Variants in RWDD1 observed in about 807,000 individuals in gnomAD.
RWDD1 encodes the protein RWD domain containing 1, also known as RWD domain-containing protein 1.
Under a neutral mutation model 31.6 loss-of-function variants are expected in RWDD1, and 17 were observed. The ratio of observed to expected loss-of-function variants is 0.54; its 90% CI spans 0.37 to 0.81. RWDD1 has a LOEUF of 0.81. Ranked by LOEUF, RWDD1 falls within the 30% of genes least tolerant of loss-of-function variation. The pLI is 0.00. For synonymous variants in RWDD1, 78 were observed against 94.2 expected (o/e 0.83, Z 0.99); for missense variants, 204 against 274.5 (o/e 0.74, Z 1.82).
chr6:116,584,653 T>C, intron 2 of RWDD1, 74 bp from the exon 3 acceptor site: 1 of 1,332,290 alleles, frequency 7.5e-7, no homozygotes, highest in Admixed American at 1.9e-5. Flanking sequence ...TGTGCTACTT[T>C]CTACTGATTC....
chr6:116,573,458 C>G (rs961310800), intron 1 of RWDD1, among the ~76,000 whole-genome samples: 2 of 152,194 alleles, frequency 1.3e-5, no homozygotes, highest in African/African-American at 4.8e-5. Context: ...AACATTTCTA[C>G]AAGCTTTGCA....
intron 5 of RWDD1, 73 bp from the exon 6 acceptor site, chr6:116,590,815 T>C: frequency 6.7e-7 from 1 of 1,499,698 alleles, no homozygotes; most frequent in Admixed American, 2.8e-5. Flanking sequence ...TCAAATTTGC[T>C]TTCTAAGTAT....
chr6:116,593,100 A>G lies in RWDD1; in HGVS notation c.731A>G (p.Ter244=), dbSNP rs751403930. The G allele has an allele frequency of 5.0e-6, 8 of 1,613,546 alleles. No homozygotes were observed. The highest frequency in any genetic ancestry group is 5.1e-6 in the Non-Finnish European group (6 of 1,179,808). Residue 244 remains the stop codon, a stop_retained_variant, in exon 7 of 7, where the codon TAA becomes TGA. Coordinates refer to ENST00000466444, the MANE Select transcript of RWDD1 (RefSeq NM_015952.4). ...PADPESDSAD[*] is the part of the protein sequence containing the mutation. ...GACCCAGAGAGTGACTCAGCTGACT[A>G]ATGGACTGTCCCCATCTGCAGAGAG... is the stretch of plus-strand genomic sequence containing the variant.
At chr6:116,584,063 G>A (rs1774994831) in intron 2 of RWDD1, among the ~76,000 whole-genome samples, 2 of 152,208 alleles carry the variant, frequency 1.3e-5, no homozygotes, top group Admixed American at 1.3e-4. Flanking sequence ...CTTAGTTGCA[G>A]ACTGCCTGGT....
intron 3 of RWDD1, among the ~76,000 whole-genome samples, chr6:116,588,132 T>C (rs1775075775): frequency 6.6e-6 from 1 of 152,108 alleles, no homozygotes; most frequent in Admixed American, 6.6e-5. Context: ...AATTTGATTG[T>C]AGGAGCTAGC....
chr6:116,572,525 A>G (rs1310330652), intron 1 of RWDD1: 2 of 152,226 alleles, frequency 1.3e-5, no homozygotes, highest in East Asian at 1.9e-4. Context: ...TTCATTAGGT[A>G]TAATTTAGAG....
chr6:116,590,935 C>G lies in RWDD1; in HGVS notation c.595C>G (p.Gln199Glu). The G allele has an allele frequency of 6.4e-7, 1 of 1,573,358 alleles. No individual in the cohort carries two copies. The highest frequency in any genetic ancestry group is 8.6e-7 in the Non-Finnish European group (1 of 1,167,554). ...TDHNLDTSDI[Q>E]FLEDAGNNVE... ...TCATAATCTTGACACATCTGATATC[C>G]AGTTCTTGGAGGATGGTAAGATAAT... The change falls in exon 6 of 7, where the codon CAG (glutamine) becomes GAG (glutamate). Residue 199 changes from glutamine (Q) to glutamate (E), a missense_variant. Gln to Glu is a conservative substitution (Grantham distance 29). Transcript: ENST00000466444.
chr6:116,583,171 G>T (rs1320603325), intron 2 of RWDD1, among the ~76,000 whole-genome samples: 1 of 151,736 alleles, frequency 6.6e-6, no homozygotes, highest in African/African-American at 2.4e-5. Context: ...TAGAGATGGG[G>T]TCTCACTCTT....
chr6:116,583,536 A>G (rs899406768), intron 2 of RWDD1, among the ~76,000 whole-genome samples: 2 of 143,642 alleles, frequency 1.4e-5, no homozygotes. Flanking sequence ...CACCACATAC[A>G]CACACACACA....
At chr6:116,581,748 G>A (rs777158465) in intron 2 of RWDD1, among the ~76,000 whole-genome samples, 18 of 151,994 alleles carry the variant, frequency 1.2e-4, no homozygotes, top group Non-Finnish European at 1.3e-4. Flanking sequence ...AATATGAATC[G>A]AAACACATGT....
In RWDD1 at chr6:116,594,657, G is replaced by A. The variant is rs1775213044; in HGVS notation, c.*1556G>A. ...ACACATTAACATCCGTGCACATAGA[G>A]TCCTTTGTAATAATTTGGGATGATT... On this transcript the variant is annotated 3_prime_UTR_variant, in exon 7 of 7. Transcript: ENST00000466444. The A allele has an allele frequency of 6.6e-6, 1 of 152,172 alleles. No homozygotes were observed. The highest frequency in any genetic ancestry group is 6.5e-5 in the Admixed American group (1 of 15,278). The allele number at this position is 152,172 out of a possible 1,614,324, so 9.4% of individuals were successfully genotyped here. A position where few individuals can be genotyped will look rare whatever the true frequency, so the allele number is the denominator to read the frequency against.
At position 116,595,566 on chromosome 6, in the gene RWDD1, T is replaced by G. The variant is rs72965154; in HGVS notation, c.*2465T>G. Reference sequence around the variant, plus strand: ...CTCTTTGATTTGGTAAAGTTTTTGTTTTTCTACTCGTGCCAGTTGTATTAA... The same window carrying G: ...CTCTTTGATTTGGTAAAGTTTTTGTGTTTCTACTCGTGCCAGTTGTATTAA... On this transcript the variant is annotated 3_prime_UTR_variant, in exon 7 of 7. Coordinates refer to ENST00000466444, the MANE Select transcript of RWDD1 (RefSeq NM_015952.4). 3 of 152,192 alleles carry G rather than the reference T, an allele frequency of 2.0e-5. No homozygotes were observed. Among genetic ancestry groups the G allele is most frequent in the African/African-American group, 7.2e-5 (3 of 41,444 alleles). 9.4% of individuals were successfully genotyped at this position (152,192 alleles called of 1,614,324 possible). A position where few individuals can be genotyped will look rare whatever the true frequency, so the allele number is the denominator to read the frequency against.
At chr6:116,587,423 G>A (rs4946184) in intron 3 of RWDD1, among the ~76,000 whole-genome samples, 123,333 of 152,116 alleles carry the variant, frequency 0.81, 50,164 homozygotes, top group Middle Eastern at 0.89. Flanking sequence ...GTGATTGATT[G>A]TTTCTCCTAG....
chr6:116,572,743 C>A, intron 1 of RWDD1: 1 of 530,214 alleles, frequency 1.9e-6, no homozygotes, highest in Non-Finnish European at 2.4e-6. Flanking sequence ...AGGTATATTA[C>A]TTTAACTTAT....
At chr6:116,590,707 G>GT (rs1289325475) in intron 5 of RWDD1, among the ~76,000 whole-genome samples, 181 bp from the exon 6 acceptor site, 6 of 152,208 alleles carry the variant, frequency 3.9e-5, no homozygotes, top group African/African-American at 1.4e-4. Context: ...GGCAGACTGG[G>GT]TTTTCACTTG....
At chr6:116,590,464 C>A in intron 5 of RWDD1, 60 bp downstream of exon 5, 3 of 1,486,674 alleles carry the variant, frequency 2.0e-6, no homozygotes, top group Non-Finnish European at 1.8e-6. Context: ...TTTTATATAG[C>A]AAGAGGATCA....
intron 3 of RWDD1, 60 bp downstream of exon 3, chr6:116,584,917 T>A: frequency 7.5e-7 from 1 of 1,330,398 alleles, no homozygotes. Flanking sequence ...ATATTACATA[T>A]TAATTTCAAG....
Position 116,590,405 on chromosome 6 carries a change from G to A in RWDD1, c.547+1G>A. ...CAAGCAGGAAAAAATAAATTAAGTG[G>A]TATGATTCCCCTGCCATTCCTGTTC... On this transcript the variant is annotated splice_donor_variant, in intron 5 of 6. Coordinates refer to ENST00000466444, the MANE Select transcript of RWDD1 (RefSeq NM_015952.4). LOFTEE classifies it high-confidence loss of function. 6.3e-7 allele frequency: 1 copy of A among 1,584,998 alleles called. No homozygotes were observed. The highest frequency in any genetic ancestry group is 8.5e-7 in the Non-Finnish European group (1 of 1,171,148).
Position 116,571,528 on chromosome 6 carries a change from C to T in RWDD1, c.-55C>T, listed in dbSNP as rs1028885404. On this transcript the variant is annotated 5_prime_UTR_variant, in exon 1 of 7. Coordinates refer to ENST00000466444, the MANE Select transcript of RWDD1 (RefSeq NM_015952.4). ...TCTCCCGGCGCGGCAGCTGTCTGGG[C>T]TGCTGCGCGCCGCCTAGGTGTCTGG... 1.3e-6 allele frequency: 2 copies of T among 1,572,884 alleles called. No individual in the cohort carries two copies. Among genetic ancestry groups the T allele is most frequent in the Non-Finnish European group, 1.7e-6 (2 of 1,155,812 alleles).
Sources: gnomAD v4.1 joint callset for allele counts (sites outside exome capture counted in the v4.1 genomes callset) on GRCh38, gnomAD v4.1.1 for gene constraint, MANE v1.5 for transcripts, NCBI Gene and HGNC (gene_info 2026-07-23, HGNC 2026-07-21) for gene names.